The following CASP6 variants were observed in gnomAD, a reference collection of about 807,000 sequenced individuals.
CASP6 encodes the protein caspase 6.
In CASP6, 20 loss-of-function variants were observed where a neutral mutation model predicts 31.8. The ratio of observed to expected loss-of-function variants is 0.63; its 90% confidence interval spans 0.44 to 0.91. CASP6 has a LOEUF of 0.91. CASP6 is among the 40% of genes least tolerant of loss of function. CASP6 has a pLI of 0.00. For synonymous variants in CASP6, 130 were observed against 127.8 expected, an observed-to-expected ratio of 1.02 and a Z score of -0.12; for missense variants, 328 against 361.1, an observed-to-expected ratio of 0.91 and a Z score of 0.74.
chr4:109,703,317 G>T (rs777381215), intron 1 of CASP6, 39 bp downstream of exon 1: 7 of 1,592,686 alleles, frequency 4.4e-6, no homozygotes, highest in Non-Finnish European at 6.0e-6. Flanking sequence ...GGAGCAAGAC[G>T]CAGACCTGCT....
Position 109,690,942 on chromosome 4 carries a change from T to C in CASP6, c.551A>G (p.Lys184Arg), listed in dbSNP as rs1167312255. The C allele has an allele frequency of 1.2e-6, 2 of 1,614,016 alleles. No homozygotes were observed. The highest frequency in any genetic ancestry group is 1.7e-6 in the Non-Finnish European group (2 of 1,179,936). The change falls in exon 6 of 7, where the codon AAG becomes AGG. Residue 184 changes from lysine (K) to arginine (R), a missense_variant. By Grantham distance (26) the Lys-to-Arg change is conservative. Transcript: ENST00000265164. ...CACCTCAGTTATGTTGGTGTCCAAC[T>C]TCTCTGTCTGATTATCTACTACATC... The part of the protein sequence containing the change: ...PLDVVDNQTE[K>R]LDTNITEVDA...
chr4:109,691,033 C>A (rs370385123), intron 5 of CASP6, 24 bp from the exon 6 acceptor site: 2 of 1,593,854 alleles, frequency 1.3e-6, no homozygotes, highest in Admixed American at 1.7e-5. Flanking sequence ...AGGAAAAACC[C>A]ACCTCTTTGC....
At chr4:109,671,420 C>A in the CASP6 span, among the ~76,000 whole-genome samples, 2 of 151,898 alleles carry the variant, frequency 1.3e-5, no homozygotes, top group Non-Finnish European at 2.9e-5. Flanking sequence ...TTTTTCCATT[C>A]TTTTTTCTCT....
downstream of CASP6, chr4:109,688,118 G>T (rs941977810): frequency 2.0e-5 from 3 of 152,244 alleles, no homozygotes; most frequent in African/African-American, 7.2e-5. Context: ...AGTATAGTTG[G>T]TACTTTTTGA....
At chr4:109,687,792 A>T, downstream of CASP6, 1 of 558,464 alleles carries the variant, frequency 1.8e-6, no homozygotes, top group Middle Eastern at 4.7e-4. Flanking sequence ...AAGGGCTTGT[A>T]TGCGTCTATC....
At chr4:109,687,473 C>T (rs1351308428), downstream of CASP6, 1 of 1,373,318 alleles carries the variant, frequency 7.3e-7, no homozygotes, top group East Asian at 2.3e-5. Flanking sequence ...TGGTATGTTT[C>T]TCTTCTTTCT....
chr4:109,681,866 G>C, the CASP6 span, among the ~76,000 whole-genome samples: 1 of 152,224 alleles, frequency 6.6e-6, no homozygotes, highest in South Asian at 2.1e-4. Flanking sequence ...CGAACCAGAA[G>C]AGTGCAGTTT....
the CASP6 span, among the ~76,000 whole-genome samples, chr4:109,668,218 C>G: frequency 6.6e-6 from 1 of 152,044 alleles, no homozygotes; most frequent in African/African-American, 2.4e-5. Context: ...CTGTCCATTT[C>G]TAATAGAGGA....
downstream of CASP6, among the ~76,000 whole-genome samples, chr4:109,686,017 T>C (rs1250248254): frequency 1.3e-5 from 2 of 152,240 alleles, no homozygotes; most frequent in African/African-American, 2.4e-5. Flanking sequence ...CCTCCATTGC[T>C]CAATGCATGC....
the CASP6 span, among the ~76,000 whole-genome samples, chr4:109,674,895 T>C: frequency 6.6e-6 from 1 of 152,248 alleles, no homozygotes; most frequent in Non-Finnish European, 1.5e-5. Flanking sequence ...ATTGTAAACA[T>C]TGAACTGAAC....
At chr4:109,699,574 A>T (rs1014325224) in intron 1 of CASP6, among the ~76,000 whole-genome samples, 1 of 152,204 alleles carries the variant, frequency 6.6e-6, no homozygotes, top group Non-Finnish European at 1.5e-5. Context: ...CCTGGTGTGC[A>T]TGTTAAAATG....
Position 109,688,889 on chromosome 4 carries a change from G to GTTTTTTTTTTTT in CASP6, c.*440_*441insAAAAAAAAAAAA, listed in dbSNP as rs1554021651. On this transcript the variant is annotated 3_prime_UTR_variant, in exon 7 of 7. Coordinates refer to ENST00000265164, the MANE Select transcript of CASP6 (RefSeq NM_001226.4). ...ACTTTTTTTTTTTTTTTTTAAGGCA[G>GTTTTTTTTTTTT]TTCTCTGCTAGGCATTAAACTTTAA... 1 of 146,814 alleles carries GTTTTTTTTTTTT rather than the reference G, an allele frequency of 6.8e-6. No individual in the cohort carries two copies. 9.1% of individuals were successfully genotyped at this position (146,814 alleles called of 1,614,324 possible).
chr4:109,693,372 A>G (rs1006854358), intron 5 of CASP6, among the ~76,000 whole-genome samples: 3 of 152,210 alleles, frequency 2.0e-5, no homozygotes, highest in South Asian at 4.1e-4. Context: ...TGACACTGGC[A>G]TGTCAGGTTT....
At chr4:109,697,202 T>A (rs1246926893) in intron 3 of CASP6, among the ~76,000 whole-genome samples, 1 of 152,172 alleles carries the variant, frequency 6.6e-6, no homozygotes, top group Non-Finnish European at 1.5e-5. Flanking sequence ...TTTCCCTACA[T>A]CTAGAAGTCT....
the CASP6 span, chr4:109,664,539 C>A: frequency 9.0e-6 from 5 of 557,852 alleles, no homozygotes; most frequent in African/African-American, 9.5e-5. Context: ...ATCCTCCCAC[C>A]TCAGCCTCCA....
At chr4:109,669,990 A>C in the CASP6 span, among the ~76,000 whole-genome samples, 2 of 152,188 alleles carry the variant, frequency 1.3e-5, no homozygotes, top group Non-Finnish European at 2.9e-5. Flanking sequence ...TAGTCCGATA[A>C]TTCCAATGTT....
At chr4:109,705,801 C>G (rs939797106), upstream of CASP6, among the ~76,000 whole-genome samples, 13 of 149,266 alleles carry the variant, frequency 8.7e-5, no homozygotes, top group African/African-American at 3.2e-4. Flanking sequence ...AATGCAAGAC[C>G]CTGTCTCTAC....
chr4:109,698,046 A>ACGAGGCTCAGAACCAAGTTCTAGCT (rs1462048646), intron 2 of CASP6, among the ~76,000 whole-genome samples: 1 of 152,196 alleles, frequency 6.6e-6, no homozygotes, highest in Non-Finnish European at 1.5e-5. Flanking sequence ...AGGAATAACC[A>ACGAGGCTCAGAACCAAGTTCTAGCT]CGAGGCTCAG....
At chr4:109,670,203 A>T in the CASP6 span, among the ~76,000 whole-genome samples, 13 of 152,300 alleles carry the variant, frequency 8.5e-5, no homozygotes, top group Admixed American at 7.8e-4. Context: ...GATTAAGGGG[A>T]CTAGGTCTCA....
Sources: allele counts gnomAD v4.1 joint callset (sites outside exome capture counted in the v4.1 genomes callset), GRCh38; gene constraint gnomAD v4.1.1; transcripts MANE v1.5; gene names NCBI Gene and HGNC (gene_info 2026-07-23, HGNC 2026-07-21).